ZFAND3: variants seen among roughly 807,000 people sequenced by gnomAD.
The protein encoded by ZFAND3 is zinc finger AN1-type containing 3, also known as AN1-type zinc finger protein 3.
ZFAND3 carries 10 observed loss-of-function variants against 29.6 expected under a neutral mutation model. The ratio of observed to expected loss-of-function variants is 0.34; its 90% CI spans 0.21 to 0.57. The LOEUF is 0.57. ZFAND3 is among the 20% of genes least tolerant of loss of function. ZFAND3 has a pLI of 0.86. For missense variants in ZFAND3, 230 were observed against 304.5 expected (o/e 0.76, Z 1.82); for synonymous variants, 128 against 112.6 (o/e 1.14, Z -0.87).
intron 5 of ZFAND3, among the ~76,000 whole-genome samples, chr6:38,121,741 C>A (rs1765538496): frequency 6.6e-6 from 1 of 152,214 alleles, no homozygotes; most frequent in African/African-American, 2.4e-5. Flanking sequence ...ATGGGAGGCA[C>A]AGATGTCCAT....
intron 2 of ZFAND3, among the ~76,000 whole-genome samples, chr6:37,966,029 C>T (rs1048273616): frequency 6.6e-6 from 1 of 152,140 alleles, no homozygotes; most frequent in African/African-American, 2.4e-5. Context: ...TCCCTAAGTG[C>T]TGGGATTGCA....
Position 37,967,956 on chromosome 6 carries a change from T to C in ZFAND3, c.112+37957T>C, listed in dbSNP as rs146793879. On this transcript the variant is annotated intron_variant, in intron 2 of 5. Transcript: ENST00000287218. Reference sequence around the variant, plus strand: ...CTAACATAATCCTCTTGTTTTGGTGTTTTTGCTGCCATACGTAAATTGTAA... The same window carrying C: ...CTAACATAATCCTCTTGTTTTGGTGCTTTTGCTGCCATACGTAAATTGTAA... Among the ~76,000 whole-genome samples, 34 of 152,296 alleles carry C rather than the reference T, an allele frequency of 2.2e-4. No individual in the cohort carries two copies. In the East Asian group the frequency reaches 5.6e-3, roughly 25 times the overall value.
intron 5 of ZFAND3, among the ~76,000 whole-genome samples, chr6:38,128,779 A>G (rs146067119): frequency 7.0e-4 from 106 of 152,256 alleles, no homozygotes; most frequent in Admixed American, 2.0e-3. Context: ...CGTTTTTGCA[A>G]TTGCAAATTG....
chr6:37,922,918 C>G (rs1293256880), intron 1 of ZFAND3, among the ~76,000 whole-genome samples: 1 of 152,142 alleles, frequency 6.6e-6, no homozygotes, highest in Admixed American at 6.5e-5. Context: ...GTTATAAGCA[C>G]TGTACACTTA....
chr6:37,972,820 G>A (rs1223384728), intron 2 of ZFAND3, among the ~76,000 whole-genome samples: 1 of 151,876 alleles, frequency 6.6e-6, no homozygotes, highest in East Asian at 1.9e-4. Flanking sequence ...GATTAGAGTA[G>A]ATTTATTTAT....
chr6:38,094,884 C>G (rs980141705), intron 4 of ZFAND3, among the ~76,000 whole-genome samples: 1 of 152,086 alleles, frequency 6.6e-6, no homozygotes, highest in Non-Finnish European at 1.5e-5. Flanking sequence ...ACTGGTTGAT[C>G]ATCCCAAATC....
In ZFAND3 at chr6:37,974,268, T is replaced by TGGCCCAGCTGTG. The variant is rs1458586717; in HGVS notation, c.112+44279_112+44280insTGGGCCCAGCTG. Among the ~76,000 whole-genome samples, 3 of 152,284 alleles carry TGGCCCAGCTGTG rather than the reference T, an allele frequency of 2.0e-5. No homozygotes were observed. The East Asian group carries it at 5.8e-4, about 29-fold the overall frequency. On this transcript the variant is annotated intron_variant, in intron 2 of 5. Coordinates refer to ENST00000287218, the MANE Select transcript of ZFAND3 (RefSeq NM_021943.3). ...TAGTAGAGACGGAGTTTGACCATGT[T>TGGCCCAGCTGTG]GGCCCAGCTGGTCTCGAACTTCTGA...
rs533731983 is a variant in ZFAND3 at position 38,035,554 on chromosome 6, G to A, written c.113-26039G>A. ...ATATTGTTTATATTTAGACACTGACGAAATAGTAAACTTAGGTTGCTTAAT... is the reference window on the plus strand; with the variant it reads ...ATATTGTTTATATTTAGACACTGACAAAATAGTAAACTTAGGTTGCTTAAT... On this transcript the variant is annotated intron_variant, in intron 2 of 5. Transcript: ENST00000287218. 3.3e-5 allele frequency among the ~76,000 whole-genome samples: 5 copies of A among 152,258 alleles called. No individual in the cohort carries two copies. In the East Asian group the frequency reaches 9.7e-4, roughly 29 times the overall value.
rs1276048732 is a variant in ZFAND3, at chr6:38,101,548, C to CAGAT, written c.362-15023_362-15020dup. ...TCAAAAGACTAAATTTCGAGGCGGG[C>CAGAT]AGATCACTTGAGGTCAGGAGTTCAA... On this transcript the variant is annotated intron_variant, in intron 4 of 5. Coordinates refer to ENST00000287218, the MANE Select transcript of ZFAND3 (RefSeq NM_021943.3). Among the ~76,000 whole-genome samples, 4 of 151,784 alleles carry CAGAT rather than the reference C, an allele frequency of 2.6e-5. No homozygotes were observed. In the East Asian group the frequency reaches 7.7e-4, roughly 29 times the overall value.
At chr6:38,018,803 C>G (rs9470746) in intron 2 of ZFAND3, among the ~76,000 whole-genome samples, 3,508 of 152,236 alleles carry the variant, frequency 0.023, 94 homozygotes, top group African/African-American at 0.066. Context: ...AAGATCAACT[C>G]TTTGATGTAG....
At chr6:38,148,302 T>C (rs957342086) in intron 5 of ZFAND3, among the ~76,000 whole-genome samples, 5 of 152,232 alleles carry the variant, frequency 3.3e-5, no homozygotes, top group Admixed American at 6.5e-5. Flanking sequence ...GATTTTAATA[T>C]ATAACTTTTT....
chr6:38,048,392 C>T (rs1009331591), intron 2 of ZFAND3, among the ~76,000 whole-genome samples: 5 of 151,580 alleles, frequency 3.3e-5, no homozygotes, highest in African/African-American at 7.3e-5. Context: ...GAGGCCGAGC[C>T]GGGCAGATCA....
At chr6:38,120,320 C>CTT (rs70981523) in intron 5 of ZFAND3, among the ~76,000 whole-genome samples, 6,478 of 60,608 alleles carry the variant, frequency 0.11, 1,893 homozygotes, top group Non-Finnish European at 0.16. Flanking sequence ...GCTTGGCTTC[C>CTT]TTTTTTTTTT....
chr6:37,888,365 G>T (rs145738798), intron 1 of ZFAND3, among the ~76,000 whole-genome samples: 4 of 152,278 alleles, frequency 2.6e-5, no homozygotes, highest in African/African-American at 9.6e-5. Context: ...AATGAAGTCA[G>T]ATAATTTTCT....
At chr6:38,119,987 AC>A (rs1765497754) in intron 5 of ZFAND3, among the ~76,000 whole-genome samples, 1 of 152,146 alleles carries the variant, frequency 6.6e-6, no homozygotes, top group Non-Finnish European at 1.5e-5. Context: ...TACCAAAGTA[AC>A]ACCCTTTTCC....
intron 5 of ZFAND3, chr6:38,142,994 A>G (rs956940812): frequency 3.3e-5 from 5 of 152,422 alleles, no homozygotes; most frequent in Non-Finnish European, 5.9e-5. Flanking sequence ...GAGAGTTCTC[A>G]TAAGTCACAA....
chr6:38,038,831 G>T (rs1763707446), intron 2 of ZFAND3, among the ~76,000 whole-genome samples: 1 of 152,146 alleles, frequency 6.6e-6, no homozygotes, highest in African/African-American at 2.4e-5. Context: ...AAAAGGAGCT[G>T]AATCTATATC....
In ZFAND3 at chr6:38,100,032, G is replaced by T. The variant is rs1018184207; in HGVS notation, c.362-16540G>T. 2.6e-5 allele frequency among the ~76,000 whole-genome samples: 4 copies of T among 151,894 alleles called. 1 individual carries two copies. The East Asian group carries it at 7.7e-4, about 29-fold the overall frequency. On this transcript the variant is annotated intron_variant, in intron 4 of 5. Transcript: ENST00000287218. ...CAAGATTCAGCTCCACTTTTTCCTT[G>T]GCATCCTGTTGATAAACCTATTTCT... is the stretch of plus-strand genomic sequence containing the variant.
intron 5 of ZFAND3, among the ~76,000 whole-genome samples, chr6:38,129,760 C>G (rs1167946857): frequency 6.7e-6 from 1 of 150,362 alleles, no homozygotes; most frequent in Non-Finnish European, 1.5e-5. Flanking sequence ...TGTGATGCCT[C>G]CAGATTTGTT....
Sources: gnomAD v4.1 joint callset for allele counts (sites outside exome capture counted in the v4.1 genomes callset) on GRCh38, gnomAD v4.1.1 for gene constraint, MANE v1.5 for transcripts, NCBI Gene and HGNC (gene_info 2026-07-23, HGNC 2026-07-21) for gene names.